Variants in ACAP1 observed in about 807,000 individuals in gnomAD.
The protein encoded by ACAP1 is arf-GAP with coiled-coil, ANK repeat and PH domain-containing protein 1.
In ACAP1, 45 loss-of-function variants were observed where a neutral mutation model predicts 98.8. The ratio of observed to expected loss-of-function variants is 0.46; its 90% CI spans 0.36 to 0.58. ACAP1 has a LOEUF of 0.58. ACAP1 is among the 20% of genes least tolerant of loss of function. The pLI is 0.00. For synonymous variants in ACAP1, 362 were observed against 375.3 expected (o/e 0.96, Z 0.41); for missense variants, 735 against 971.4 (o/e 0.76, Z 3.24).
chr17:7,347,602 G>A (rs2073359518), intron 14 of ACAP1: 1 of 537,776 alleles, frequency 1.9e-6, no homozygotes. Flanking sequence ...CCACCTCAGT[G>A]TGGTGGAAGG....
chr17:7,347,368 G>A, intron 14 of ACAP1, 126 bp downstream of exon 14: 1 of 1,002,600 alleles, frequency 1.0e-6, no homozygotes, highest in Non-Finnish European at 1.4e-6. Flanking sequence ...TTCTGGCTTT[G>A]TCACTGGGTA....
intron 17 of ACAP1, 119 bp downstream of exon 17, chr17:7,348,594 C>T (rs1033405849): frequency 1.6e-5 from 19 of 1,162,954 alleles, no homozygotes; most frequent in African/African-American, 1.4e-4. Context: ...TCGGAGGGAC[C>T]GGACTGCCGT....
intron 17 of ACAP1, 125 bp downstream of exon 17, chr17:7,348,600 G>A (rs1326063825): frequency 1.8e-6 from 2 of 1,097,650 alleles, no homozygotes; most frequent in Non-Finnish European, 2.5e-6. Flanking sequence ...GGACCGGACT[G>A]CCGTTTCAGG....
intron 2 of ACAP1, among the ~76,000 whole-genome samples, chr17:7,340,670 C>T (rs999245260): frequency 1.3e-5 from 2 of 152,048 alleles, no homozygotes; most frequent in South Asian, 4.1e-4. Flanking sequence ...CATGGTGAAA[C>T]CCCGTCTCTA....
intron 10 of ACAP1, among the ~76,000 whole-genome samples, chr17:7,345,128 A>G (rs1327970424): frequency 1.3e-5 from 2 of 151,846 alleles, no homozygotes; most frequent in African/African-American, 2.4e-5. Context: ...ATAGGGCCCT[A>G]TAGATTTTTG....
rs751994762 is a variant in ACAP1 at position 7,344,660 on chromosome 17, A to T, written c.854+12A>T. The T allele has an allele frequency of 5.8e-6, 9 of 1,541,182 alleles. No individual in the cohort carries two copies. In the Middle Eastern group the frequency reaches 1.0e-3, roughly 172 times the overall value. ...AAGACCTGGAGCAGGTGAGGAGAGG[A>T]CACCCCCAATCAGCCCGCCCCACCC... is the stretch of plus-strand genomic sequence containing the variant. On this transcript the variant is annotated intron_variant, in intron 10 of 21. Coordinates refer to ENST00000158762, the MANE Select transcript of ACAP1 (RefSeq NM_014716.4). This position sits in a 1 kb window ranked among gnomAD's most constrained non-coding sequence, Gnocchi z 4.9.
At position 7,343,212 on chromosome 17, in the gene ACAP1, G is replaced by C. The variant is rs1341890783; in HGVS notation, c.345-167G>C. The C allele has an allele frequency of 3.6e-5, 23 of 635,554 alleles. No individual in the cohort carries two copies. In the Admixed American group the frequency reaches 6.5e-4, roughly 18 times the overall value. The allele number at this position is 635,554 out of a possible 1,614,324, so 39.4% of individuals were successfully genotyped here. ...CCACAGGAGCCTCCCCAGTGACGGAGTTGTGAGATTGGGGGTTTCTGGTGT... is the reference window on the plus strand; with the variant it reads ...CCACAGGAGCCTCCCCAGTGACGGACTTGTGAGATTGGGGGTTTCTGGTGT... On this transcript the variant is annotated intron_variant, in intron 5 of 21. Coordinates refer to ENST00000158762, the MANE Select transcript of ACAP1 (RefSeq NM_014716.4). The surrounding 1 kb of genome is among the most constrained non-coding windows in gnomAD (Gnocchi z 4.9).
In ACAP1 at chr17:7,344,469, C is replaced by A; in HGVS notation, c.745-70C>A. ...AGAAAGTAAGGGCTAGGGCTGTGGGCAGGAGGCAGATGCCTATGGCCTTGG... is the reference window on the plus strand; with the variant it reads ...AGAAAGTAAGGGCTAGGGCTGTGGGAAGGAGGCAGATGCCTATGGCCTTGG... On this transcript the variant is annotated intron_variant, in intron 9 of 21. Transcript: ENST00000158762. The surrounding 1 kb of genome is among the most constrained non-coding windows in gnomAD (Gnocchi z 4.9). 2 of 1,099,016 alleles carry A rather than the reference C, an allele frequency of 1.8e-6. No individual in the cohort carries two copies. Among genetic ancestry groups the A allele is most frequent in the Non-Finnish European group, 2.7e-6 (2 of 744,870 alleles). The allele number at this position is 1,099,016 out of a possible 1,614,324, so 68.1% of individuals were successfully genotyped here. A position where few individuals can be genotyped will look rare whatever the true frequency, so the allele number is the denominator to read the frequency against.
intron 2 of ACAP1, among the ~76,000 whole-genome samples, chr17:7,338,285 G>A (rs984718543): frequency 2.6e-5 from 4 of 151,800 alleles, no homozygotes; most frequent in African/African-American, 7.3e-5. Context: ...ATGGAGTCTC[G>A]CTCTGTCACC....
rs1388698946 is a variant in ACAP1 at position 7,337,317 on chromosome 17, C to T, written c.59C>T (p.Ser20Phe). Residue 20 changes from serine (S) to phenylalanine (F), a missense_variant, in exon 2 of 22, where the codon TCT becomes TTT. Physicochemically the swap from Ser to Phe is radical, Grantham distance 155 (BLOSUM62 -2). Transcript: ENST00000158762. ...CATGACCCCCTCTTTCCCAGAGCCT[C>T]TATTGAGCTGGTGGAAGCCGAAGTG... is the stretch of plus-strand genomic sequence containing the variant. ...CLKDSPRFRASIELVEAEVSE... is the reference protein window; with the variant it reads ...CLKDSPRFRAFIELVEAEVSE... The T allele has an allele frequency of 2.5e-6, 4 of 1,613,966 alleles. No individual in the cohort carries two copies. Among genetic ancestry groups the T allele is most frequent in the Non-Finnish European group, 3.4e-6 (4 of 1,179,976 alleles).
At chr17:7,351,215 C>A in intron 21 of ACAP1, 80 bp from the exon 22 acceptor site, 2 of 1,290,992 alleles carry the variant, frequency 1.5e-6, no homozygotes, top group Non-Finnish European at 2.2e-6. Context: ...GCGCGAGGTC[C>A]CCAGGTGGGC....
In ACAP1 at chr17:7,350,300, TCGGG is replaced by T. The variant is rs1210374669; in HGVS notation, c.2072+76_2072+79del. The T allele has an allele frequency of 4.6e-5, 55 of 1,190,026 alleles. No homozygotes were observed. Among genetic ancestry groups the T allele is most frequent in the Middle Eastern group, 2.8e-4 (1 of 3,574 alleles). The allele number at this position is 1,190,026 out of a possible 1,614,324, so 73.7% of individuals were successfully genotyped here. A position where few individuals can be genotyped will look rare whatever the true frequency, so the allele number is the denominator to read the frequency against. Reference sequence around the variant, plus strand: ...TCCCCCCACCCCCGCCCACCCACGTTCGGGCGGGCGGGCGGGGCTGACGCCGAAA... The same window carrying T: ...TCCCCCCACCCCCGCCCACCCACGTTCGGGCGGGCGGGGCTGACGCCGAAA... On this transcript the variant is annotated intron_variant, in intron 20 of 21. Transcript: ENST00000158762. The surrounding 1 kb of genome is among the most constrained non-coding windows in gnomAD (Gnocchi z 4.6).
rs758464134 is a variant in ACAP1 at position 7,341,972 on chromosome 17, C to T, written c.136C>T (p.Leu46=). 1.2e-6 allele frequency: 2 copies of T among 1,614,156 alleles called. No homozygotes were observed. Among genetic ancestry groups the T allele is most frequent in the South Asian group, 1.1e-5 (1 of 91,092 alleles). The change falls in exon 3 of 22, where the codon CTG becomes TTG. Residue 46 remains leucine (L), a synonymous_variant. Transcript: ENST00000158762. ...EKLLKLGTGL[L]ESGRHYLAAS... ...GCTCCTGAAACTGGGCACTGGTCTCCTGGAAAGTGGGCGCCATTACCTTGC... is the reference window on the plus strand; with the variant it reads ...GCTCCTGAAACTGGGCACTGGTCTCTTGGAAAGTGGGCGCCATTACCTTGC...
chr17:7,342,611 A>G (rs1372358395), intron 5 of ACAP1, 137 bp downstream of exon 5: 16 of 1,026,162 alleles, frequency 1.6e-5, no homozygotes, highest in Non-Finnish European at 2.3e-5. Context: ...AAAAAATACA[A>G]AAATTAGGCC....
At chr17:7,337,401 T>G (rs1217952564) in intron 2 of ACAP1, 32 bp downstream of exon 2, 1 of 1,601,210 alleles carries the variant, frequency 6.2e-7, no homozygotes. Context: ...GACCCAGGAG[T>G]GGATTAGGTT....
At chr17:7,341,853 C>G (rs564601438) in intron 2 of ACAP1, 95 bp from the exon 3 acceptor site, 1 of 1,567,172 alleles carries the variant, frequency 6.4e-7, no homozygotes, top group South Asian at 1.2e-5. Context: ...GGGAGCGCCG[C>G]CCTGGGCAAG....
intron 2 of ACAP1, 129 bp downstream of exon 2, chr17:7,337,498 A>C: frequency 2.4e-6 from 2 of 850,196 alleles, no homozygotes; most frequent in Non-Finnish European, 3.8e-6. Context: ...TATTTTGGAG[A>C]CTGCAGAGAA....
intron 12 of ACAP1, 121 bp from the exon 13 acceptor site, chr17:7,346,687 C>A: frequency 7.8e-7 from 1 of 1,280,144 alleles, no homozygotes; most frequent in South Asian, 1.4e-5. Context: ...CCAACTGGTA[C>A]AGAAGTCTTT....
At chr17:7,348,516 G>T in intron 17 of ACAP1, 41 bp downstream of exon 17, 1 of 1,444,886 alleles carries the variant, frequency 6.9e-7, no homozygotes. Context: ...TCTGCTGTGT[G>T]CTCGGCATCG....
Sources: gnomAD v4.1 joint callset for allele counts (sites outside exome capture counted in the v4.1 genomes callset) on GRCh38, gnomAD v4.1.1 for gene constraint, Gnocchi (gnomAD v3.1) non-coding constraint, MANE v1.5 for transcripts, NCBI Gene and HGNC (gene_info 2026-07-23, HGNC 2026-07-21) for gene names.